CDYL2: variants seen among roughly 807,000 people sequenced by gnomAD.
CDYL2 encodes chromodomain Y like 2.
Under a neutral mutation model 49.4 loss-of-function variants are expected in CDYL2, and 23 were observed. The ratio of observed to expected loss-of-function variants is 0.47; its 90% CI spans 0.34 to 0.66. CDYL2 has a LOEUF of 0.66. CDYL2 is among the 30% of genes least tolerant of loss of function. The probability of loss-of-function intolerance (pLI) is 0.01; values close to 1 mark genes in which losing one functional copy is unlikely to be tolerated. For synonymous variants in CDYL2, 360 were observed against 268.8 expected, an observed-to-expected ratio of 1.34 and a Z score of -3.32; for missense variants, 678 against 656.4, an observed-to-expected ratio of 1.03 and a Z score of -0.36.
chr16:80,775,239 G>C (rs985040221), intron 1 of CDYL2, among the ~76,000 whole-genome samples: 3 of 151,530 alleles, frequency 2.0e-5, no homozygotes, highest in Admixed American at 6.6e-5. Flanking sequence ...GAAGATATAA[G>C]TAAATTTATA....
At chr16:80,729,808 C>T (rs1174107175) in intron 1 of CDYL2, among the ~76,000 whole-genome samples, 1 of 152,006 alleles carries the variant, frequency 6.6e-6, no homozygotes, top group Non-Finnish European at 1.5e-5. Flanking sequence ...CACTCAAAAC[C>T]ACTCAACTAC....
chr16:80,658,198 G>A (rs941062535), intron 2 of CDYL2, among the ~76,000 whole-genome samples: 1 of 151,826 alleles, frequency 6.6e-6, no homozygotes, highest in Non-Finnish European at 1.5e-5. Context: ...TAAAAGGGAT[G>A]GGGAAGAGGT....
chr16:80,700,608 A>C (rs1249080919), intron 1 of CDYL2, among the ~76,000 whole-genome samples: 3 of 152,260 alleles, frequency 2.0e-5, no homozygotes, highest in Non-Finnish European at 4.4e-5. Context: ...TAAAACAGTG[A>C]GAAAGATCAG....
chr16:80,686,879 C>T (rs1183991720), intron 1 of CDYL2, among the ~76,000 whole-genome samples: 2 of 152,086 alleles, frequency 1.3e-5, no homozygotes, highest in Non-Finnish European at 2.9e-5. Flanking sequence ...AATTTGTTTC[C>T]TTATTAAACG....
chr16:80,599,348 CAAA>C lies in CDYL2; in HGVS notation c.*5037_*5039del, dbSNP rs1905976974. 1 of 152,128 alleles carries C rather than the reference CAAA, an allele frequency of 6.6e-6. No individual in the cohort carries two copies. Among genetic ancestry groups the C allele is most frequent in the South Asian group, 2.1e-4 (1 of 4,826 alleles). The allele number at this position is 152,128 out of a possible 1,614,324, so 9.4% of individuals were successfully genotyped here. ...CCCTGGACTACTTTATGTGGACAAC[CAAA>C]AGGAATAATAATTTCTTTTTAAGTC... On this transcript the variant is annotated 3_prime_UTR_variant, in exon 7 of 7. Coordinates refer to ENST00000570137, the MANE Select transcript of CDYL2 (RefSeq NM_152342.4).
At chr16:80,683,848 T>C (rs773260036) in intron 2 of CDYL2, among the ~76,000 whole-genome samples, 2 of 152,250 alleles carry the variant, frequency 1.3e-5, no homozygotes, top group Non-Finnish European at 2.9e-5. Context: ...ATGCAGCATC[T>C]GCTGGTGCCT....
In CDYL2 at chr16:80,753,424, C is replaced by G. The variant is rs192334260; in HGVS notation, c.24+50726G>C. Among the ~76,000 whole-genome samples, 702 of 152,234 alleles carry G rather than the reference C, an allele frequency of 4.6e-3. 5 individuals are homozygous for G. Among genetic ancestry groups the G allele is most frequent in the Admixed American group, 0.01 (158 of 15,284 alleles). On this transcript the variant is annotated intron_variant, in intron 1 of 6. Transcript: ENST00000570137. ...GGGAGTTCGAGACCAGCCTGACCAACATGGAGAAACCCCATCTCTAATAAA... is the reference window on the plus strand; with the variant it reads ...GGGAGTTCGAGACCAGCCTGACCAAGATGGAGAAACCCCATCTCTAATAAA...
chr16:80,618,363 C>A (rs1482840355), intron 4 of CDYL2, among the ~76,000 whole-genome samples: 1 of 152,190 alleles, frequency 6.6e-6, no homozygotes, highest in Admixed American at 6.5e-5. Flanking sequence ...CTCAAGAGTC[C>A]AGAGACGCAC....
intron 3 of CDYL2, among the ~76,000 whole-genome samples, chr16:80,621,636 G>C (rs1442104368): frequency 6.6e-6 from 1 of 152,248 alleles, no homozygotes; most frequent in Non-Finnish European, 1.5e-5. Context: ...GCCACCTGCA[G>C]GTTCACATTC....
At chr16:80,606,709 G>A (rs7194920) in intron 6 of CDYL2, among the ~76,000 whole-genome samples, 33,376 of 152,168 alleles carry the variant, frequency 0.22, 3,962 homozygotes, top group African/African-American at 0.28. Flanking sequence ...AGCTCCCATA[G>A]TTCCCACATG....
chr16:80,609,738 A>G (rs1034234492), intron 5 of CDYL2, among the ~76,000 whole-genome samples: 1 of 151,974 alleles, frequency 6.6e-6, no homozygotes, highest in African/African-American at 2.4e-5. Context: ...CAGACACCAT[A>G]CCCTGCAGTG....
chr16:80,618,529 G>A (rs1434972124), intron 4 of CDYL2, among the ~76,000 whole-genome samples: 1 of 152,184 alleles, frequency 6.6e-6, no homozygotes, highest in African/African-American at 2.4e-5. Flanking sequence ...CCACAGGAAG[G>A]AACCATTCGG....
At chr16:80,763,519 G>T (rs1012887999) in intron 1 of CDYL2, among the ~76,000 whole-genome samples, 9 of 152,064 alleles carry the variant, frequency 5.9e-5, no homozygotes, top group Non-Finnish European at 1.2e-4. Flanking sequence ...GGCTGAGGTG[G>T]GAGAATCACT....
chr16:80,758,082 G>GA (rs1906375414), intron 1 of CDYL2, among the ~76,000 whole-genome samples: 1 of 151,952 alleles, frequency 6.6e-6, no homozygotes, highest in South Asian at 2.1e-4. Flanking sequence ...TTAGATAACT[G>GA]AAAAAAATCA....
intron 1 of CDYL2, among the ~76,000 whole-genome samples, chr16:80,751,065 G>A (rs1906120226): frequency 6.6e-6 from 1 of 152,050 alleles, no homozygotes; most frequent in Admixed American, 6.5e-5. Flanking sequence ...TGTAAAAGCT[G>A]CTCAACTCAT....
At chr16:80,721,259 T>TC in intron 1 of CDYL2, among the ~76,000 whole-genome samples, 1 of 152,320 alleles carries the variant, frequency 6.6e-6, no homozygotes, top group East Asian at 1.9e-4. Flanking sequence ...ATTTATTTAA[T>TC]CCTCCCAACA....
Position 80,779,987 on chromosome 16 carries a change from G to C in CDYL2, c.24+24163C>G, listed in dbSNP as rs181647933. Among the ~76,000 whole-genome samples, 8 of 152,240 alleles carry C rather than the reference G, an allele frequency of 5.3e-5. No individual in the cohort carries two copies. In the East Asian group the frequency reaches 1.5e-3, roughly 29 times the overall value. ...AAGCATATAATGAAGAGAAGAAAATGAGTTAAGATAGTAGAGAAGATGACA... is the reference window on the plus strand; with the variant it reads ...AAGCATATAATGAAGAGAAGAAAATCAGTTAAGATAGTAGAGAAGATGACA... On this transcript the variant is annotated intron_variant, in intron 1 of 6. Coordinates refer to ENST00000570137, the MANE Select transcript of CDYL2 (RefSeq NM_152342.4).
At chr16:80,759,755 C>T (rs1458891382) in intron 1 of CDYL2, among the ~76,000 whole-genome samples, 1 of 152,172 alleles carries the variant, frequency 6.6e-6, no homozygotes, top group East Asian at 1.9e-4. Flanking sequence ...TGCATAACAA[C>T]AACACATTCA....
chr16:80,675,275 C>G (rs373595317), intron 2 of CDYL2, among the ~76,000 whole-genome samples: 1 of 152,204 alleles, frequency 6.6e-6, no homozygotes, highest in African/African-American at 2.4e-5. Context: ...CACCCTAATT[C>G]CTTCTCTCAG....
Sources: allele counts gnomAD v4.1 joint callset (sites outside exome capture counted in the v4.1 genomes callset), GRCh38; gene constraint gnomAD v4.1.1; transcripts MANE v1.5; gene names NCBI Gene and HGNC (gene_info 2026-07-23, HGNC 2026-07-21).